ANK2: variants seen among roughly 807,000 people sequenced by gnomAD.
ANK2 encodes the protein ankyrin 2, also known as ankyrin-2.
ANK2 carries 83 observed loss-of-function variants against 360.5 expected under a neutral mutation model. The observed-to-expected ratio is 0.23, with a 90% CI of 0.19 to 0.28. The LOEUF (loss-of-function observed/expected upper bound fraction) is 0.28. Among genes scored for constraint, ANK2 ranks in the 10% least tolerant of loss-of-function variants. ANK2 has a pLI of 1.00. For missense variants in ANK2, 4,201 were observed against 4,795.7 expected (o/e 0.88, Z 3.66); for synonymous variants, 1,740 against 1,759.5 (o/e 0.99, Z 0.28).
chr4:113,320,827 G>A (rs1396937653), intron 26 of ANK2, among the ~76,000 whole-genome samples: 1 of 152,062 alleles, frequency 6.6e-6, no homozygotes, highest in Non-Finnish European at 1.5e-5. Flanking sequence ...AGAGAGACCT[G>A]GTTAATTAAG....
Position 113,355,452 on chromosome 4 carries a change from G to A in ANK2, c.6834G>A (p.Glu2278=). 6.2e-7 allele frequency: 1 copy of A among 1,613,952 alleles called. No homozygotes were observed. The highest frequency in any genetic ancestry group is 8.5e-7 in the Non-Finnish European group (1 of 1,179,974). The part of the protein sequence containing the change: ...ETTTEIRSEK[E]HPTTKDITGG... ...CCACAGAAATTCGTTCAGAAAAAGA[G>A]CATCCCACGACCAAAGACATTACTG... is the stretch of plus-strand genomic sequence containing the variant. Residue 2278 remains glutamate, a synonymous_variant, in exon 38 of 46, where the codon GAG becomes GAA. Transcript: ENST00000357077.
At chr4:113,048,227 T>A (rs1413828768), upstream of ANK2, among the ~76,000 whole-genome samples, 1 of 139,580 alleles carries the variant, frequency 7.2e-6, no homozygotes, top group East Asian at 2.1e-4. Context: ...TATATTAGGT[T>A]CTGGTTGCAT....
chr4:112,732,931 A>C, the ANK2 span, among the ~76,000 whole-genome samples: 1 of 151,320 alleles, frequency 6.6e-6, no homozygotes, highest in Non-Finnish European at 1.5e-5. Flanking sequence ...AATACAAAAA[A>C]AAAGGGGCCA....
intron 13 of ANK2, among the ~76,000 whole-genome samples, chr4:113,264,534 G>A (rs952299660): frequency 2.6e-5 from 4 of 151,874 alleles, no homozygotes; most frequent in Admixed American, 2.0e-4. Context: ...ATAAACATTC[G>A]TTTTATCCTT....
intron 1 of ANK2, among the ~76,000 whole-genome samples, chr4:113,122,318 A>G (rs936289645): frequency 6.6e-6 from 1 of 152,052 alleles, no homozygotes; most frequent in African/African-American, 2.4e-5. Flanking sequence ...AGGGAAGTCC[A>G]ACTACGGAAG....
At chr4:113,206,052 A>G (rs1020455149) in intron 4 of ANK2, among the ~76,000 whole-genome samples, 8 of 152,204 alleles carry the variant, frequency 5.3e-5, no homozygotes, top group Admixed American at 2.6e-4. Flanking sequence ...CCCCCAAAAT[A>G]TATGCATATG....
chr4:113,061,979 A>C (rs951137930), intron 1 of ANK2, among the ~76,000 whole-genome samples: 23 of 152,190 alleles, frequency 1.5e-4, no homozygotes, highest in African/African-American at 5.1e-4. Context: ...AAACATATAC[A>C]CTTATTATGT....
the ANK2 span, among the ~76,000 whole-genome samples, chr4:112,741,173 T>C: frequency 6.6e-6 from 1 of 152,230 alleles, no homozygotes; most frequent in Admixed American, 6.5e-5. Context: ...ATTACAACCA[T>C]AGTTTTTCTA....
intron 1 of ANK2, among the ~76,000 whole-genome samples, chr4:113,060,821 C>T (rs1241088197): frequency 6.6e-6 from 1 of 151,384 alleles, no homozygotes; most frequent in East Asian, 2.0e-4. Flanking sequence ...TTCTCAGACT[C>T]AGCTGTGGAA....
chr4:112,864,166 G>T (rs549375827), intron 1 of ANK2, among the ~76,000 whole-genome samples: 4 of 152,046 alleles, frequency 2.6e-5, no homozygotes, highest in Non-Finnish European at 5.9e-5. Context: ...CCAAAATAAG[G>T]GTTCTGGTTA....
the ANK2 span, among the ~76,000 whole-genome samples, chr4:112,724,072 T>C: frequency 6.6e-6 from 1 of 151,458 alleles, no homozygotes; most frequent in Non-Finnish European, 1.5e-5. Flanking sequence ...ATCTTTTTTT[T>C]TTTTTTTTTG....
intron 1 of ANK2, among the ~76,000 whole-genome samples, chr4:112,854,009 A>C (rs1220183882): frequency 6.6e-6 from 1 of 152,248 alleles, no homozygotes. Context: ...GTCCTCAGGA[A>C]GCCTAGATTC....
At chr4:112,949,967 CAA>C (rs1327897280) in intron 2 of ANK2, among the ~76,000 whole-genome samples, 1 of 152,128 alleles carries the variant, frequency 6.6e-6, no homozygotes, top group Non-Finnish European at 1.5e-5. Flanking sequence ...GTAGGCAACT[CAA>C]AAGAGAAGAA....
chr4:113,122,274 C>A (rs1398811302), intron 1 of ANK2, among the ~76,000 whole-genome samples: 1 of 151,972 alleles, frequency 6.6e-6, no homozygotes, highest in Non-Finnish European at 1.5e-5. Flanking sequence ...CATTTTTGAG[C>A]CTTCTGCTTG....
chr4:113,264,773 C>G (rs2054988330), intron 13 of ANK2, 124 bp from the exon 14 acceptor site: 2 of 892,262 alleles, frequency 2.2e-6, no homozygotes, highest in Non-Finnish European at 3.5e-6. Flanking sequence ...AATAATTATG[C>G]CTTTTCATAG....
chr4:112,867,777 C>T (rs1953051978), intron 1 of ANK2, among the ~76,000 whole-genome samples: 1 of 151,598 alleles, frequency 6.6e-6, no homozygotes, highest in Admixed American at 6.6e-5. Flanking sequence ...CTGAATATAG[C>T]ACATTTTGTT....
At chr4:113,153,561 T>A (rs547395523) in intron 1 of ANK2, among the ~76,000 whole-genome samples, 1 of 152,352 alleles carries the variant, frequency 6.6e-6, no homozygotes, top group East Asian at 1.9e-4. Context: ...CTATAATACA[T>A]AATCATTTCT....
chr4:113,231,235 G>A (rs894077072), intron 4 of ANK2, among the ~76,000 whole-genome samples: 1 of 151,778 alleles, frequency 6.6e-6, no homozygotes, highest in Non-Finnish European at 1.5e-5. Flanking sequence ...TGTATTTTTA[G>A]TAGAGACAGG....
intron 1 of ANK2, among the ~76,000 whole-genome samples, chr4:112,896,255 A>T (rs768312976): frequency 7.2e-5 from 11 of 152,228 alleles, no homozygotes; most frequent in Non-Finnish European, 1.0e-4. Flanking sequence ...ATATGTCTTC[A>T]AAAGCTGTTT....
Sources: allele counts gnomAD v4.1 joint callset (sites outside exome capture counted in the v4.1 genomes callset), GRCh38; gene constraint gnomAD v4.1.1; transcripts MANE v1.5; gene names NCBI Gene and HGNC (gene_info 2026-07-23, HGNC 2026-07-21).